Variants in DCDC2 observed in about 807,000 individuals in gnomAD.
DCDC2 encodes the protein doublecortin domain containing 2, also known as doublecortin domain-containing protein 2.
DCDC2 carries 40 observed loss-of-function variants against 50.2 expected under a neutral mutation model. The observed-to-expected ratio is 0.80, with a 90% CI of 0.62 to 1.04. DCDC2 has a LOEUF of 1.04. DCDC2 is among the 50% of genes least tolerant of loss of function. The pLI is 0.00. For missense variants in DCDC2, 570 were observed against 581.9 expected, an observed-to-expected ratio of 0.98 and a Z score of 0.21; for synonymous variants, 234 against 210.6, an observed-to-expected ratio of 1.11 and a Z score of -0.96.
chr6:24,374,307 CCTGTAAT>C, the DCDC2 span, among the ~76,000 whole-genome samples: 1 of 151,916 alleles, frequency 6.6e-6, no homozygotes, highest in South Asian at 2.1e-4. Flanking sequence ...GTGGCTCACA[CCTGTAAT>C]CCCAGTACTT....
chr6:24,362,256 A>T (rs1760677249), upstream of DCDC2, among the ~76,000 whole-genome samples: 1 of 148,308 alleles, frequency 6.7e-6, no homozygotes, highest in African/African-American at 2.5e-5. Context: ...GTATATTTAT[A>T]CAATTATTTT....
chr6:24,176,844 T>C (rs1334235140), intron 9 of DCDC2, among the ~76,000 whole-genome samples: 2 of 152,224 alleles, frequency 1.3e-5, no homozygotes, highest in Non-Finnish European at 2.9e-5. Flanking sequence ...ATTACACATA[T>C]AAGTGAGATC....
intron 7 of DCDC2, among the ~76,000 whole-genome samples, chr6:24,219,187 A>G (rs1478449843): frequency 6.6e-6 from 1 of 152,252 alleles, no homozygotes; most frequent in Non-Finnish European, 1.5e-5. Context: ...TATCTGTTTT[A>G]GGATAAGTGG....
chr6:24,336,035 A>T (rs1036967545), intron 2 of DCDC2, among the ~76,000 whole-genome samples: 1 of 152,234 alleles, frequency 6.6e-6, no homozygotes, highest in Non-Finnish European at 1.5e-5. Flanking sequence ...TAATCATGCC[A>T]TCAACAGCAA....
chr6:24,249,174 G>A (rs1029258253), intron 7 of DCDC2, among the ~76,000 whole-genome samples: 13 of 138,654 alleles, frequency 9.4e-5, no homozygotes, highest in African/African-American at 3.5e-4. Flanking sequence ...GAATTAGAGT[G>A]AAAGGCTCTG....
intron 7 of DCDC2, among the ~76,000 whole-genome samples, chr6:24,250,592 T>G (rs11757999): frequency 0.096 from 14,675 of 152,284 alleles, 879 homozygotes; most frequent in East Asian, 0.17. Context: ...AACATTATAA[T>G]ATACACAATC....
intron 7 of DCDC2, among the ~76,000 whole-genome samples, chr6:24,237,567 G>A (rs1470950653): frequency 1.3e-5 from 2 of 152,136 alleles, no homozygotes; most frequent in African/African-American, 4.8e-5. Context: ...TCCCATTACT[G>A]GGTAGATAAC....
At chr6:24,221,344 C>T (rs750389100) in intron 7 of DCDC2, among the ~76,000 whole-genome samples, 2 of 152,190 alleles carry the variant, frequency 1.3e-5, no homozygotes, top group Admixed American at 1.3e-4. Flanking sequence ...ACTTGCCTGT[C>T]CTCCTCTTCT....
intron 7 of DCDC2, among the ~76,000 whole-genome samples, chr6:24,242,922 G>A (rs967885941): frequency 5.9e-5 from 9 of 151,586 alleles, no homozygotes; most frequent in African/African-American, 9.7e-5. Flanking sequence ...AGATCATGCC[G>A]ATATGCTCCA....
At chr6:24,305,540 C>A (rs922523118) in intron 2 of DCDC2, among the ~76,000 whole-genome samples, 5 of 151,996 alleles carry the variant, frequency 3.3e-5, no homozygotes, top group African/African-American at 9.7e-5. Flanking sequence ...AAACAACACA[C>A]AAAAAAATTA....
At chr6:24,362,435 T>C (rs1760683793), upstream of DCDC2, among the ~76,000 whole-genome samples, 1 of 141,272 alleles carries the variant, frequency 7.1e-6, no homozygotes, top group African/African-American at 2.7e-5. Context: ...TTTAATTGTA[T>C]ATTTATACAA....
chr6:24,303,033 C>A (rs1045729025), intron 2 of DCDC2, among the ~76,000 whole-genome samples: 4 of 152,012 alleles, frequency 2.6e-5, no homozygotes, highest in African/African-American at 4.8e-5. Flanking sequence ...TCAGAAGGAA[C>A]TATATGCCTT....
rs3077132 is a variant in DCDC2 at position 24,289,971 on chromosome 6, CTTTTTTTTTTTTTTTTTTTTT to C, written c.704+940_704+960del. On this transcript the variant is annotated intron_variant, in intron 5 of 9. Coordinates refer to ENST00000378454, the MANE Select transcript of DCDC2 (RefSeq NM_016356.5). The stretch of plus-strand genomic sequence containing the variant: ...TCCTGCAGCATGGGCCAGAGCTCTT[CTTTTTTTTTTTTTTTTTTTTT>C]TTTTTTTTTTTTTTTTTTTGAGACG... Among the ~76,000 whole-genome samples, 42 of 61,044 alleles carry C rather than the reference CTTTTTTTTTTTTTTTTTTTTT, an allele frequency of 6.9e-4. 3 individuals carry two copies. The highest frequency in any genetic ancestry group is 2.9e-3 in the South Asian group (4 of 1,370). The allele number at this position is 61,044 out of a possible 152,430, so 40.0% of individuals were successfully genotyped here.
At chr6:24,186,676 C>G (rs1231991322) in intron 8 of DCDC2, among the ~76,000 whole-genome samples, 1 of 152,150 alleles carries the variant, frequency 6.6e-6, no homozygotes, top group Non-Finnish European at 1.5e-5. Flanking sequence ...CTCTACTCAT[C>G]ACTGATCATG....
chr6:24,239,129 C>G (rs891688484), intron 7 of DCDC2, among the ~76,000 whole-genome samples: 1 of 152,132 alleles, frequency 6.6e-6, no homozygotes, highest in African/African-American at 2.4e-5. Context: ...AGGCATAGTC[C>G]TAGCCCTCAA....
chr6:24,247,080 C>G (rs1762693690), intron 7 of DCDC2, among the ~76,000 whole-genome samples: 1 of 152,100 alleles, frequency 6.6e-6, no homozygotes, highest in Non-Finnish European at 1.5e-5. Context: ...AGGGAGACAA[C>G]TACTGCTATG....
At position 24,205,060 on chromosome 6, in the gene DCDC2, C is replaced by T. The variant is rs77150627; in HGVS notation, c.965G>A (p.Arg322Gln). ...FKAGAERSET[R>Q]GAAEVQEDED... ...ATCTTCTTGGACTTCTGCTGCCCCC[C>T]GTGTTTCAGACCTCTCTGCTCCAGC... Residue 322 changes from arginine (R) to glutamine (Q), a missense_variant, in exon 8 of 10, where the codon CGG becomes CAG. By Grantham distance (43) the Arg-to-Gln change is conservative. Transcript: ENST00000378454. The T allele has an allele frequency of 5.0e-6, 8 of 1,613,994 alleles. No homozygotes were observed. The highest frequency in any genetic ancestry group is 1.3e-5 in the African/African-American group (1 of 74,904).
chr6:24,282,705 G>T (rs919113281), intron 6 of DCDC2, among the ~76,000 whole-genome samples: 1 of 137,868 alleles, frequency 7.3e-6, no homozygotes, highest in Non-Finnish European at 1.5e-5. Context: ...TTCGTGAGAG[G>T]TTTGCCTCAG....
chr6:24,289,204 A>G (rs1423233673), intron 5 of DCDC2, among the ~76,000 whole-genome samples: 5 of 152,186 alleles, frequency 3.3e-5, no homozygotes, highest in Non-Finnish European at 7.4e-5. Context: ...AAAGTGTCCT[A>G]TTTGCATTTC....
Sources: allele counts gnomAD v4.1 joint callset (sites outside exome capture counted in the v4.1 genomes callset), GRCh38; gene constraint gnomAD v4.1.1; transcripts MANE v1.5; gene names NCBI Gene and HGNC (gene_info 2026-07-23, HGNC 2026-07-21).